POMT2: variants seen among roughly 807,000 people sequenced by gnomAD.
POMT2 encodes protein O-mannosyl-transferase 2.
In POMT2, 75 loss-of-function variants were observed where a neutral mutation model predicts 100.0. That is an observed-to-expected ratio of 0.75 (90% CI 0.62 to 0.91). The LOEUF (loss-of-function observed/expected upper bound fraction) is 0.91. Ranked by LOEUF, POMT2 falls within the 40% of genes least tolerant of loss-of-function variation. The probability of loss-of-function intolerance (pLI) is 0.00; values close to 1 mark genes in which losing one functional copy is unlikely to be tolerated. For synonymous variants in POMT2, 378 were observed against 374.1 expected (o/e 1.01, Z -0.12); for missense variants, 940 against 955.1 (o/e 0.98, Z 0.21).
intron 14 of POMT2, chr14:77,284,212 T>C: frequency 2.7e-6 from 1 of 371,946 alleles, no homozygotes; most frequent in Non-Finnish European, 5.2e-6. Flanking sequence ...CGAGTCACTG[T>C]GGCCCTTTGA....
intron 20 of POMT2, among the ~76,000 whole-genome samples, chr14:77,277,972 T>TCC: frequency 6.7e-6 from 1 of 148,320 alleles, no homozygotes; most frequent in African/African-American, 2.5e-5. Context: ...GGGTGCCCTG[T>TCC]CCCCCATTGC....
chr14:77,320,341 T>C (rs564417153), intron 1 of POMT2, 93 bp downstream of exon 1: 29 of 1,535,654 alleles, frequency 1.9e-5, no homozygotes, highest in Non-Finnish European at 2.4e-5. Flanking sequence ...CCTCCTCCTA[T>C]AGATCCCGCC....
chr14:77,309,784 G>C (rs1304529469), intron 2 of POMT2, among the ~76,000 whole-genome samples: 2 of 152,202 alleles, frequency 1.3e-5, no homozygotes, highest in Non-Finnish European at 2.9e-5. Context: ...CCAGGTTCAA[G>C]CTGTTCTCCT....
At chr14:77,293,242 G>A (rs535906511) in intron 9 of POMT2, among the ~76,000 whole-genome samples, 99 of 152,312 alleles carry the variant, frequency 6.5e-4, no homozygotes, top group South Asian at 6.0e-3. Flanking sequence ...TATGATGCTC[G>A]TGTGTGTACT....
At chr14:77,298,219 G>C (rs894763670) in intron 8 of POMT2, among the ~76,000 whole-genome samples, 3 of 152,168 alleles carry the variant, frequency 2.0e-5, no homozygotes, top group African/African-American at 7.2e-5. Flanking sequence ...CTTCACGCCT[G>C]TCAATCCCCA....
Position 77,320,580 on chromosome 14 carries a change from G to A in POMT2, c.102C>T (p.Ala34=). Residue 34 remains alanine, a synonymous_variant, in exon 1 of 21, where the codon GCC becomes GCT. Coordinates refer to ENST00000261534, the MANE Select transcript of POMT2 (RefSeq NM_013382.7). ...QAARAAGRDV[A]AEAVARSPKR... ...TGGGGCTTCGCGCCACAGCCTCAGC[G>A]GCCACGTCCCGGCCTGCGGCCCTAG... 6.3e-7 allele frequency: 1 copy of A among 1,576,852 alleles called. No homozygotes were observed. The highest frequency in any genetic ancestry group is 8.6e-7 in the Non-Finnish European group (1 of 1,168,618).
intron 8 of POMT2, among the ~76,000 whole-genome samples, chr14:77,297,542 C>T (rs1295546725): frequency 2.0e-5 from 3 of 152,200 alleles, no homozygotes; most frequent in Admixed American, 6.5e-5. Flanking sequence ...AGTATCTGCC[C>T]TTCCAACCCA....
chr14:77,277,240 A>G lies in POMT2; in HGVS notation c.*136T>C. The G allele has an allele frequency of 1.3e-6, 1 of 755,504 alleles. No homozygotes were observed. The highest frequency in any genetic ancestry group is 2.3e-6 in the Non-Finnish European group (1 of 439,466). The allele number at this position is 755,504 out of a possible 1,614,324, so 46.8% of individuals were successfully genotyped here. On this transcript the variant is annotated 3_prime_UTR_variant, in exon 21 of 21. Transcript: ENST00000261534. ...TGGGTTCCATTCCAGCTGCACTCCC[A>G]GAGCTGGGTCCTGGTGAGCAGCAGA...
At chr14:77,281,729 A>T (rs553272690) in intron 15 of POMT2, among the ~76,000 whole-genome samples, 1 of 152,330 alleles carries the variant, frequency 6.6e-6, no homozygotes, top group Admixed American at 6.5e-5. Flanking sequence ...CGTGCATTGC[A>T]GAGTGTTTAG....
At chr14:77,312,959 C>T (rs142268774) in intron 1 of POMT2, among the ~76,000 whole-genome samples, 4 of 152,354 alleles carry the variant, frequency 2.6e-5, no homozygotes, top group African/African-American at 9.6e-5. Context: ...AACCTATCCT[C>T]ATTGCTTAAG....
At position 77,312,039 on chromosome 14, in the gene POMT2, G is replaced by A; in HGVS notation, c.249-6C>T. The A allele has an allele frequency of 6.2e-7, 1 of 1,613,402 alleles. No homozygotes were observed. On this transcript the variant is annotated splice_polypyrimidine_tract_variant and splice_region_variant and intron_variant, in intron 1 of 20. Transcript: ENST00000261534. ...CAAAGTGAGTCTCATCCCAACTAAA[G>A]GAAACACAGAAAGAGAAACAAGAAT...
chr14:77,319,424 G>C (rs1418345733), intron 1 of POMT2: 1 of 152,122 alleles, frequency 6.6e-6, no homozygotes, highest in Non-Finnish European at 1.5e-5. Flanking sequence ...AGGAGTGAGA[G>C]AGGCTGTCAG....
intron 6 of POMT2, chr14:77,300,330 T>C (rs1890975132): frequency 6.5e-6 from 1 of 154,994 alleles, no homozygotes; most frequent in Admixed American, 6.3e-5. Context: ...TCATTACCTC[T>C]GTAGGTTTTG....
intron 6 of POMT2, chr14:77,299,966 C>T (rs536001128): frequency 1.1e-4 from 32 of 285,188 alleles, no homozygotes; most frequent in African/African-American, 5.0e-4. Context: ...CTTAACTTCG[C>T]GGCTTCCTTC....
chr14:77,290,947 T>A (rs1890616836), intron 10 of POMT2, among the ~76,000 whole-genome samples: 1 of 152,160 alleles, frequency 6.6e-6, no homozygotes, highest in Non-Finnish European at 1.5e-5. Flanking sequence ...TTTGGTGTGC[T>A]CTATGTAAGA....
chr14:77,302,819 G>T lies in POMT2; in HGVS notation c.656+16C>A. On this transcript the variant is annotated intron_variant, in intron 5 of 20. Transcript: ENST00000261534. ...ACAGCTTCCAACCCTCCCCTCCCGGGGATGGAGTTTCTGACCTGTCGGCGC... is the reference window on the plus strand; with the variant it reads ...ACAGCTTCCAACCCTCCCCTCCCGGTGATGGAGTTTCTGACCTGTCGGCGC... 2 of 1,597,688 alleles carry T rather than the reference G, an allele frequency of 1.3e-6. No homozygotes were observed. Among genetic ancestry groups the T allele is most frequent in the Non-Finnish European group, 1.7e-6 (2 of 1,165,876 alleles).
In POMT2 at chr14:77,280,404, A is replaced by AG. The variant is rs780725241; in HGVS notation, c.1712dup (p.Ile572TyrfsTer13). 12 of 1,614,038 alleles carry AG rather than the reference A, an allele frequency of 7.4e-6. No individual in the cohort carries two copies. The highest frequency in any genetic ancestry group is 9.3e-6 in the Non-Finnish European group (11 of 1,180,032). On this transcript the variant is annotated frameshift_variant, in exon 16 of 21. Coordinates refer to ENST00000261534, the MANE Select transcript of POMT2 (RefSeq NM_013382.7). LOFTEE classifies it high-confidence loss of function. Reference sequence around the variant, plus strand: ...CCTTGGATCCTACCTGATAGTTGATAGGCCAGTGCCAGGGTTTGGACGTGA... The same window carrying AG: ...CCTTGGATCCTACCTGATAGTTGATAGGGCCAGTGCCAGGGTTTGGACGTGA...
chr14:77,285,659 C>G, intron 12 of POMT2, 27 bp from the exon 13 acceptor site: 3 of 1,602,424 alleles, frequency 1.9e-6, no homozygotes, highest in Non-Finnish European at 2.6e-6. Flanking sequence ...GAAAAAAATA[C>G]AAAGAAAGTG....
chr14:77,293,482 C>T (rs1890713737), intron 9 of POMT2, among the ~76,000 whole-genome samples: 1 of 152,204 alleles, frequency 6.6e-6, no homozygotes, highest in Non-Finnish European at 1.5e-5. Context: ...TTCAGATAAA[C>T]ACTTAATCTT....
Sources: gnomAD v4.1 joint callset for allele counts (sites outside exome capture counted in the v4.1 genomes callset) on GRCh38, gnomAD v4.1.1 for gene constraint, MANE v1.5 for transcripts, NCBI Gene and HGNC (gene_info 2026-07-23, HGNC 2026-07-21) for gene names.